The following RBFOX1 variants were observed in gnomAD, a reference collection of about 807,000 sequenced individuals.
RBFOX1 encodes the protein RNA binding fox-1 homolog 1, also known as RNA binding protein fox-1 homolog 1.
In RBFOX1, 8 loss-of-function variants were observed where a neutral mutation model predicts 57.7. The ratio of observed to expected loss-of-function variants is 0.14; its 90% CI spans 0.08 to 0.25. RBFOX1 has a LOEUF of 0.25. RBFOX1 is among the 10% of genes least tolerant of loss of function. RBFOX1 has a pLI of 1.00. For missense variants in RBFOX1, 611 were observed against 548.5 expected (o/e 1.11, Z -1.14); for synonymous variants, 326 against 222.4 (o/e 1.47, Z -4.15).
At chr16:7,293,106 G>T (rs757727186) in intron 4 of RBFOX1, among the ~76,000 whole-genome samples, 16 of 152,144 alleles carry the variant, frequency 1.1e-4, no homozygotes, top group Non-Finnish European at 2.4e-4. Flanking sequence ...AGATACCGTT[G>T]ACCCTCCACG....
chr16:7,207,420 C>T (rs1481839739), intron 4 of RBFOX1, among the ~76,000 whole-genome samples: 3 of 152,070 alleles, frequency 2.0e-5, no homozygotes, highest in African/African-American at 7.2e-5. Context: ...GAGAGGAACT[C>T]AACAGCACAA....
At chr16:7,160,799 T>G (rs889147249) in intron 4 of RBFOX1, among the ~76,000 whole-genome samples, 3 of 139,616 alleles carry the variant, frequency 2.1e-5, no homozygotes, top group Non-Finnish European at 4.6e-5. Flanking sequence ...CTCCTCCGTC[T>G]CCCCCTTTCT....
At chr16:6,432,258 G>T (rs374083823) in intron 2 of RBFOX1, among the ~76,000 whole-genome samples, 1 of 151,974 alleles carries the variant, frequency 6.6e-6, no homozygotes, top group East Asian at 1.9e-4. Context: ...TATGAGCCAC[G>T]TTGCTCACCC....
chr16:5,349,959 A>G (rs890088074), intron 1 of RBFOX1, among the ~76,000 whole-genome samples: 4 of 152,154 alleles, frequency 2.6e-5, no homozygotes, highest in South Asian at 2.1e-4. Context: ...TCACTCCTCT[A>G]TAATTACCCA....
At chr16:7,693,110 TTC>T (rs1285403912) in intron 14 of RBFOX1, among the ~76,000 whole-genome samples, 1 of 152,186 alleles carries the variant, frequency 6.6e-6, no homozygotes, top group Non-Finnish European at 1.5e-5. Flanking sequence ...ATAGTTCGTA[TTC>T]TGACATTACC....
chr16:6,222,736 A>G (rs1323365241), intron 1 of RBFOX1, among the ~76,000 whole-genome samples: 6 of 149,162 alleles, frequency 4.0e-5, no homozygotes, highest in Non-Finnish European at 8.9e-5. Flanking sequence ...GTTTTAGGGT[A>G]CATGTGCACA....
At chr16:6,003,458 C>G (rs1382110338) in intron 4 of RBFOX1, among the ~76,000 whole-genome samples, 1 of 152,096 alleles carries the variant, frequency 6.6e-6, no homozygotes, top group Non-Finnish European at 1.5e-5. Flanking sequence ...CTACTTCTCG[C>G]CACCGCCCAC....
At chr16:6,957,474 G>C (rs1034779976) in intron 3 of RBFOX1, among the ~76,000 whole-genome samples, 1 of 152,114 alleles carries the variant, frequency 6.6e-6, no homozygotes, top group Non-Finnish European at 1.5e-5. Flanking sequence ...GACCATATAG[G>C]GTAACTTCCT....
At chr16:6,783,552 C>T (rs973897172) in intron 3 of RBFOX1, among the ~76,000 whole-genome samples, 3 of 151,948 alleles carry the variant, frequency 2.0e-5, no homozygotes, top group Admixed American at 6.6e-5. Context: ...GCTTTATCTC[C>T]ATCTCCTGCA....
At chr16:7,138,469 G>T (rs1486333920) in intron 4 of RBFOX1, among the ~76,000 whole-genome samples, 2 of 152,128 alleles carry the variant, frequency 1.3e-5, no homozygotes, top group Admixed American at 6.5e-5. Flanking sequence ...GACCCAACCA[G>T]GACAAAGAAG....
intron 2 of RBFOX1, among the ~76,000 whole-genome samples, chr16:6,391,855 A>G (rs1323706830): frequency 6.6e-6 from 1 of 152,206 alleles, no homozygotes; most frequent in Non-Finnish European, 1.5e-5. Context: ...AAACAAACAT[A>G]TATATTGCAC....
At chr16:5,850,963 G>C (rs1013460671) in intron 3 of RBFOX1, among the ~76,000 whole-genome samples, 1 of 152,316 alleles carries the variant, frequency 6.6e-6, no homozygotes, top group South Asian at 2.1e-4. Context: ...CTGCGTTCCC[G>C]GAGGCTCATG....
intron 3 of RBFOX1, among the ~76,000 whole-genome samples, chr16:5,864,458 G>A (rs9933648): frequency 0.26 from 38,891 of 151,752 alleles, 5,477 homozygotes; most frequent in African/African-American, 0.35. Context: ...ACCTTTTGTC[G>A]GTTTGATGTA....
intron 3 of RBFOX1, among the ~76,000 whole-genome samples, chr16:5,620,296 C>G (rs763241076): frequency 1.2e-4 from 18 of 151,984 alleles, no homozygotes; most frequent in Non-Finnish European, 2.4e-4. Flanking sequence ...AGATCTCACT[C>G]TCTTCCCCAC....
At chr16:5,926,815 G>C (rs2058949219) in intron 4 of RBFOX1, among the ~76,000 whole-genome samples, 1 of 152,186 alleles carries the variant, frequency 6.6e-6, no homozygotes. Context: ...GAAAACAGTA[G>C]CTGAGTGATT....
intron 4 of RBFOX1, among the ~76,000 whole-genome samples, chr16:7,208,237 A>G (rs553660047): frequency 6.6e-6 from 1 of 152,316 alleles, no homozygotes; most frequent in East Asian, 1.9e-4. Context: ...TCCCTCCACC[A>G]ATTCATATGT....
chr16:7,319,430 A>C (rs751476025), intron 4 of RBFOX1, among the ~76,000 whole-genome samples: 1 of 152,198 alleles, frequency 6.6e-6, no homozygotes, highest in African/African-American at 2.4e-5. Flanking sequence ...TCTGCCAAAC[A>C]TTATTTAAAA....
chr16:7,527,475 G>T (rs1215380385), intron 5 of RBFOX1, among the ~76,000 whole-genome samples: 1 of 152,064 alleles, frequency 6.6e-6, no homozygotes, highest in Non-Finnish European at 1.5e-5. Flanking sequence ...TTTTTGGACT[G>T]GGGTTTCAGC....
intron 4 of RBFOX1, among the ~76,000 whole-genome samples, chr16:7,162,974 C>T (rs956528307): frequency 1.3e-5 from 2 of 152,144 alleles, no homozygotes; most frequent in Non-Finnish European, 2.9e-5. Context: ...GGCCAGTCAC[C>T]TGGCATCTCC....
Sources: gnomAD v4.1 joint callset for allele counts (sites outside exome capture counted in the v4.1 genomes callset) on GRCh38, gnomAD v4.1.1 for gene constraint, MANE v1.5 for transcripts, NCBI Gene and HGNC (gene_info 2026-07-23, HGNC 2026-07-21) for gene names.